STON1: variants seen among roughly 807,000 people sequenced by gnomAD.
STON1 encodes the protein stonin 1.
A neutral mutation model predicts 60.9 loss-of-function variants in STON1; 79 were observed. The ratio of observed to expected loss-of-function variants is 1.30; its 90% confidence interval spans 1.08 to 1.56. The LOEUF (loss-of-function observed/expected upper bound fraction) is 1.56, where lower values mean the gene tolerates loss of function less well. Among genes scored for constraint, STON1 ranks in the 40% most tolerant of loss-of-function variants. The pLI, the probability that STON1 is intolerant of heterozygous loss-of-function variation, is 0.00. For missense variants in STON1, 1,166 were observed against 858.9 expected (o/e 1.36, Z -4.47); for synonymous variants, 363 against 306.9 (o/e 1.18, Z -1.91).
chr2:48,572,144 C>T (rs1191204461), intron 1 of STON1, among the ~76,000 whole-genome samples: 1 of 152,000 alleles, frequency 6.6e-6, no homozygotes. Flanking sequence ...GCCTGGGTGA[C>T]AGAGGAAGAC....
intron 1 of STON1, among the ~76,000 whole-genome samples, chr2:48,539,443 C>T (rs1572924527): frequency 6.6e-6 from 1 of 152,096 alleles, no homozygotes; most frequent in Non-Finnish European, 1.5e-5. Flanking sequence ...AAATTTACCT[C>T]TAAATACTGC....
chr2:48,567,386 C>T (rs1672991973), intron 1 of STON1, among the ~76,000 whole-genome samples: 1 of 152,064 alleles, frequency 6.6e-6, no homozygotes, highest in South Asian at 2.1e-4. Flanking sequence ...AGAACGAAGC[C>T]TTTTACAGGA....
rs1377688821 is a variant in STON1, at chr2:48,581,284, C to A, written c.651C>A (p.Asp217Glu). The change falls in exon 2 of 4, where the codon GAC (aspartate) becomes GAA (glutamate). Residue 217 changes from aspartate (D) to glutamate (E), a missense_variant. Asp to Glu is a conservative substitution (Grantham distance 45). Transcript: ENST00000404752. ...FSSRNKEMPI[D>E]QKSLNKCSLN... is the part of the protein sequence containing the mutation. ...CAAGAAACAAGGAGATGCCTATTGA[C>A]CAAAAAAGCCTAAATAAGTGTTCAC... 1 of 1,519,898 alleles carries A rather than the reference C, an allele frequency of 6.6e-7. No homozygotes were observed. Among genetic ancestry groups the A allele is most frequent in the Non-Finnish European group, 8.8e-7 (1 of 1,137,806 alleles). The allele number at this position is 1,519,898 out of a possible 1,614,324, so 94.2% of individuals were successfully genotyped here. A position where few individuals can be genotyped will look rare whatever the true frequency, so the allele number is the denominator to read the frequency against.
At chr2:48,587,367 A>G (rs1345812284) in intron 2 of STON1, among the ~76,000 whole-genome samples, 2 of 152,150 alleles carry the variant, frequency 1.3e-5, no homozygotes, top group African/African-American at 4.8e-5. Context: ...ATCTTGGCTC[A>G]CTGCAACCTC....
intron 2 of STON1, among the ~76,000 whole-genome samples, chr2:48,585,954 G>C (rs1674183889): frequency 6.6e-6 from 1 of 152,280 alleles, no homozygotes; most frequent in Non-Finnish European, 1.5e-5. Flanking sequence ...AATAGGCTCA[G>C]GCTGTGGGCT....
intron 2 of STON1, 77 bp downstream of exon 2, chr2:48,582,640 C>T: frequency 2.0e-6 from 3 of 1,517,300 alleles, no homozygotes; most frequent in Non-Finnish European, 2.6e-6. Flanking sequence ...GGGTTGAAAC[C>T]AGGTAGAGAC....
intron 1 of STON1, among the ~76,000 whole-genome samples, chr2:48,537,613 C>G (rs958774378): frequency 3.9e-5 from 6 of 151,976 alleles, no homozygotes; most frequent in Non-Finnish European, 7.4e-5. Context: ...CTTTGGGAGG[C>G]CGAGGCGAGC....
intron 2 of STON1, among the ~76,000 whole-genome samples, chr2:48,586,638 G>A (rs1163083689): frequency 9.2e-5 from 14 of 152,158 alleles, no homozygotes; most frequent in Admixed American, 7.9e-4. Flanking sequence ...GGGAGTGGTC[G>A]GGGAAGAGAC....
At chr2:48,551,952 G>T (rs577632884) in intron 1 of STON1, among the ~76,000 whole-genome samples, 1 of 152,210 alleles carries the variant, frequency 6.6e-6, no homozygotes, top group Non-Finnish European at 1.5e-5. Flanking sequence ...CACCTACTCT[G>T]AGGGTTAGTT....
At chr2:48,583,754 CTTTT>C (rs905822150) in intron 2 of STON1, among the ~76,000 whole-genome samples, 4 of 133,688 alleles carry the variant, frequency 3.0e-5, no homozygotes, top group East Asian at 2.2e-4. Context: ...TCTTTTTTTT[CTTTT>C]TTTTTTTTTT....
At chr2:48,558,058 AC>A (rs1357293018) in intron 1 of STON1, among the ~76,000 whole-genome samples, 2 of 152,144 alleles carry the variant, frequency 1.3e-5, no homozygotes, top group Admixed American at 1.3e-4. Flanking sequence ...CCCCATCTCT[AC>A]CAAAAATACA....
chr2:48,584,998 C>T (rs1440417039), intron 2 of STON1, among the ~76,000 whole-genome samples: 2 of 152,138 alleles, frequency 1.3e-5, no homozygotes, highest in African/African-American at 2.4e-5. Context: ...GTCTTTCTTC[C>T]TGACACCCCA....
Position 48,564,578 on chromosome 2 carries a change from T to TCCTCCTCCTC in STON1, c.-47-16008_-47-16007insCTCCTCCTCC, listed in dbSNP as rs1672834360. 9.5e-5 allele frequency among the ~76,000 whole-genome samples: 3 copies of TCCTCCTCCTC among 31,706 alleles called. 1 individual carries two copies. The allele number at this position is 31,706 out of a possible 152,430, so 20.8% of individuals were successfully genotyped here. ...TTCTTCTTCTTCTTCTCCTTCTCCT[T>TCCTCCTCCTC]CTCCTCCTCCTCCTCCTCCTCCTCC... On this transcript the variant is annotated intron_variant, in intron 1 of 3. Transcript: ENST00000404752.
At chr2:48,584,504 G>A (rs924380139) in intron 2 of STON1, among the ~76,000 whole-genome samples, 1 of 152,124 alleles carries the variant, frequency 6.6e-6, no homozygotes, top group Admixed American at 6.5e-5. Flanking sequence ...CTGACCTCAA[G>A]TGATCCACCC....
At position 48,530,199 on chromosome 2, in the gene STON1, GC is replaced by G; in HGVS notation, c.-61del. On this transcript the variant is annotated 5_prime_UTR_variant, in exon 1 of 4. Transcript: ENST00000404752. ...GTGGCTGGCTGCGGCCAGAATCGGAGCCCCAACCGCGCTGCCGGTGAGTGAC... is the reference window on the plus strand; with the variant it reads ...GTGGCTGGCTGCGGCCAGAATCGGAGCCCAACCGCGCTGCCGGTGAGTGAC... The G allele has an allele frequency of 4.9e-6, 2 of 410,254 alleles. No individual in the cohort carries two copies. Among genetic ancestry groups the G allele is most frequent in the Admixed American group, 2.8e-5 (1 of 35,830 alleles). The allele number at this position is 410,254 out of a possible 1,614,324, so 25.4% of individuals were successfully genotyped here.
At chr2:48,541,135 A>G (rs544757983) in intron 1 of STON1, among the ~76,000 whole-genome samples, 1 of 152,066 alleles carries the variant, frequency 6.6e-6, no homozygotes, top group South Asian at 2.1e-4. Context: ...AGATAGCTTG[A>G]GGTTGGGGAG....
At chr2:48,531,972 C>G (rs1477388690) in intron 1 of STON1, 1 of 152,106 alleles carries the variant, frequency 6.6e-6, no homozygotes, top group African/African-American at 2.4e-5. Context: ...TCACTTCTCT[C>G]CACTGATGCA....
At chr2:48,577,123 C>CT (rs1248176868) in intron 1 of STON1, among the ~76,000 whole-genome samples, 2 of 151,546 alleles carry the variant, frequency 1.3e-5, no homozygotes, top group African/African-American at 2.4e-5. Flanking sequence ...TTTATGTTAC[C>CT]TTTTTACTCT....
At chr2:48,549,248 T>G (rs1671991429) in intron 1 of STON1, among the ~76,000 whole-genome samples, 1 of 152,204 alleles carries the variant, frequency 6.6e-6, no homozygotes, top group African/African-American at 2.4e-5. Flanking sequence ...GCTTCCTATT[T>G]TTCAAAGAAA....
Sources: allele counts gnomAD v4.1 joint callset (sites outside exome capture counted in the v4.1 genomes callset), GRCh38; gene constraint gnomAD v4.1.1; transcripts MANE v1.5; gene names NCBI Gene and HGNC (gene_info 2026-07-23, HGNC 2026-07-21).